The following TRAPPC9 variants were observed in gnomAD, a reference collection of about 807,000 sequenced individuals.
TRAPPC9 encodes the protein IKK2 binding protein.
Under a neutral mutation model 124.0 loss-of-function variants are expected in TRAPPC9, and 83 were observed. The observed-to-expected ratio is 0.67, with a 90% CI of 0.56 to 0.80. The LOEUF (loss-of-function observed/expected upper bound fraction) is 0.80. Ranked by LOEUF, TRAPPC9 falls within the 30% of genes least tolerant of loss-of-function variation. The probability of loss-of-function intolerance (pLI) is 0.00; values close to 1 mark genes in which losing one functional copy is unlikely to be tolerated. For synonymous variants in TRAPPC9, 638 were observed against 617.5 expected (o/e 1.03, Z -0.49); for missense variants, 1,302 against 1,508.3 (o/e 0.86, Z 2.27).
At chr8:140,385,341 G>A (rs1178107673) in intron 7 of TRAPPC9, among the ~76,000 whole-genome samples, 1 of 152,120 alleles carries the variant, frequency 6.6e-6, no homozygotes, top group Non-Finnish European at 1.5e-5. Context: ...GAAGGAGATA[G>A]AGACACAAAA....
chr8:140,272,161 G>A (rs1487247508), intron 15 of TRAPPC9, among the ~76,000 whole-genome samples: 1 of 151,418 alleles, frequency 6.6e-6, no homozygotes, highest in Non-Finnish European at 1.5e-5. Context: ...TAGCAGTGAT[G>A]GCAGTGGTTA....
intron 20 of TRAPPC9, among the ~76,000 whole-genome samples, chr8:139,900,414 T>C (rs1224653365): frequency 6.6e-6 from 1 of 152,216 alleles, no homozygotes; most frequent in Non-Finnish European, 1.5e-5. Flanking sequence ...AGAGCACGCA[T>C]CCTGTCCTTG....
Position 140,023,974 on chromosome 8 carries a change from C to T in TRAPPC9, c.2662G>A (p.Val888Ile), listed in dbSNP as rs1397394319. ...AGGGTGCTGACTCGGGTGAAAAATA[C>T]AGACGGCTCGACTTCTACATGCAGC... ...LGLHVEVEPS[V>I]FFTRVSTLPA... is the part of the protein sequence containing the mutation. The change falls in exon 18 of 23, where the codon GTA (valine) becomes ATA (isoleucine). Residue 888 changes from valine (V) to isoleucine (I), a missense_variant. By Grantham distance (29) the Val-to-Ile change is conservative. Coordinates refer to ENST00000438773, the MANE Select transcript of TRAPPC9 (RefSeq NM_001160372.4). The T allele has an allele frequency of 1.2e-6, 2 of 1,613,996 alleles. No individual in the cohort carries two copies. The highest frequency in any genetic ancestry group is 8.5e-7 in the Non-Finnish European group (1 of 1,180,010).
At chr8:139,840,392 G>A (rs988371969) in intron 21 of TRAPPC9, among the ~76,000 whole-genome samples, 3 of 152,184 alleles carry the variant, frequency 2.0e-5, no homozygotes, top group Non-Finnish European at 2.9e-5. Flanking sequence ...TCCTGGATTC[G>A]GGGAATGTGA....
At position 140,251,793 on chromosome 8, in the gene TRAPPC9, G is replaced by A. The variant is rs1436235377; in HGVS notation, c.2431+984C>T. 2.6e-5 allele frequency among the ~76,000 whole-genome samples: 4 copies of A among 152,186 alleles called. 1 individual carries two copies. The South Asian group carries it at 6.2e-4, about 24-fold the overall frequency. Reference sequence around the variant, plus strand: ...CTCCCTCTCTCCTCCACGTGGAGACGCAGCACGAAGGTGGCCATCTGCAAG... The same window carrying A: ...CTCCCTCTCTCCTCCACGTGGAGACACAGCACGAAGGTGGCCATCTGCAAG... On this transcript the variant is annotated intron_variant, in intron 16 of 22. Transcript: ENST00000438773.
chr8:139,785,287 G>A (rs1048895919), intron 21 of TRAPPC9, among the ~76,000 whole-genome samples: 15 of 152,106 alleles, frequency 9.9e-5, no homozygotes, highest in African/African-American at 3.4e-4. Context: ...ATGAATCAGA[G>A]GCCCAAATGT....
Position 140,300,400 on chromosome 8 carries a change from A to G in TRAPPC9, c.1768+69T>C, listed in dbSNP as rs1016969924. On this transcript the variant is annotated intron_variant, in intron 11 of 22. Transcript: ENST00000438773. ...ATGAACTGGCTCAAAATGCTGTTCT[A>G]AAAATCTAGAAAAGCCATTGGAAAT... 23 of 1,605,468 alleles carry G rather than the reference A, an allele frequency of 1.4e-5. No homozygotes were observed. The South Asian group carries it at 2.2e-4, about 15-fold the overall frequency.
intron 14 of TRAPPC9, among the ~76,000 whole-genome samples, chr8:140,280,322 C>G (rs2065269025): frequency 6.6e-6 from 1 of 152,244 alleles, no homozygotes; most frequent in Non-Finnish European, 1.5e-5. Context: ...ATTCATCTTT[C>G]TAAACAGCAT....
chr8:140,288,577 A>G (rs1375160688), intron 12 of TRAPPC9, among the ~76,000 whole-genome samples: 3 of 152,228 alleles, frequency 2.0e-5, no homozygotes, highest in Admixed American at 6.5e-5. Flanking sequence ...AGGGCACTAA[A>G]GCAAGAAAAA....
chr8:139,825,939 C>T lies in TRAPPC9; in HGVS notation c.3055+59940G>A, dbSNP rs1005124851. ...GGAGAGGTGAGCATCGGATATAACC[C>T]GCCCGTGGAACAGGCCATGATGAGG... is the stretch of plus-strand genomic sequence containing the variant. On this transcript the variant is annotated intron_variant, in intron 21 of 22. Coordinates refer to ENST00000438773, the MANE Select transcript of TRAPPC9 (RefSeq NM_001160372.4). The surrounding 1 kb of genome is among the most constrained non-coding windows in gnomAD (Gnocchi z 4.6). 6.6e-5 allele frequency among the ~76,000 whole-genome samples: 10 copies of T among 152,280 alleles called. No homozygotes were observed. Among genetic ancestry groups the T allele is most frequent in the African/African-American group, 2.2e-4 (9 of 41,558 alleles).
Position 140,300,553 on chromosome 8 carries a change from C to G in TRAPPC9, c.1684G>C (p.Gly562Arg). The change falls in exon 11 of 23, where the codon GGT becomes CGT. Residue 562 changes from glycine to arginine, a missense_variant. Physicochemically the swap from Gly to Arg is moderately radical, Grantham distance 125 (BLOSUM62 -2). Transcript: ENST00000438773. ...LRPHKMKSLL[G>R]QNVSTKSPFI... ...GGACTTTTGGTTGACACGTTCTGAC[C>G]CAGCAAGCTTTTCATTTTGTGTGGC... The G allele has an allele frequency of 6.2e-7, 1 of 1,614,214 alleles. No homozygotes were observed. The highest frequency in any genetic ancestry group is 8.5e-7 in the Non-Finnish European group (1 of 1,180,040).
chr8:140,368,583 T>C (rs2068190066), intron 8 of TRAPPC9, among the ~76,000 whole-genome samples: 1 of 152,188 alleles, frequency 6.6e-6, no homozygotes, highest in Non-Finnish European at 1.5e-5. Flanking sequence ...CTTCCTGGCA[T>C]AGCTTCTGGC....
intron 19 of TRAPPC9, among the ~76,000 whole-genome samples, chr8:139,949,852 T>C (rs1834524519): frequency 6.6e-6 from 1 of 152,202 alleles, no homozygotes. Context: ...TCTGTGAGTA[T>C]CCTCAATACC....
At chr8:140,080,793 C>G (rs992045889) in intron 17 of TRAPPC9, among the ~76,000 whole-genome samples, 1 of 152,222 alleles carries the variant, frequency 6.6e-6, no homozygotes, top group African/African-American at 2.4e-5. Flanking sequence ...AACATGAATT[C>G]TAGTGCTATG....
intron 16 of TRAPPC9, among the ~76,000 whole-genome samples, chr8:140,246,035 A>C (rs2063977968): frequency 1.3e-5 from 2 of 152,236 alleles, no homozygotes; most frequent in Admixed American, 1.3e-4. Flanking sequence ...AGTCTACATG[A>C]AAAGGCAGAA....
chr8:140,023,825 C>A, intron 18 of TRAPPC9, 112 bp downstream of exon 18: 1 of 1,535,764 alleles, frequency 6.5e-7, no homozygotes, highest in Non-Finnish European at 9.0e-7. Context: ...AACTTGGCCC[C>A]ATGGCACGGA....
intron 21 of TRAPPC9, among the ~76,000 whole-genome samples, chr8:139,859,640 C>T (rs1394821652): frequency 6.6e-6 from 1 of 152,252 alleles, no homozygotes; most frequent in Non-Finnish European, 1.5e-5. Context: ...AGATCTGCCC[C>T]ATGCGGCCAG....
chr8:140,134,538 A>ACAGGTGTCAGCCAC (rs142436139), intron 17 of TRAPPC9, among the ~76,000 whole-genome samples: 2 of 151,442 alleles, frequency 1.3e-5, no homozygotes, highest in African/African-American at 4.9e-5. Context: ...TGCTGGGATT[A>ACAGGTGTCAGCCAC]CATGGTTGGC....
At chr8:140,272,259 T>G (rs1288059874) in intron 15 of TRAPPC9, among the ~76,000 whole-genome samples, 3 of 138,530 alleles carry the variant, frequency 2.2e-5, no homozygotes, top group African/African-American at 2.7e-5. Context: ...GGGGTTGGGG[T>G]GGTGTTTGTG....
Sources: allele counts gnomAD v4.1 joint callset (sites outside exome capture counted in the v4.1 genomes callset), GRCh38; gene constraint gnomAD v4.1.1; non-coding constraint Gnocchi (gnomAD v3.1); transcripts MANE v1.5; gene names NCBI Gene and HGNC (gene_info 2026-07-23, HGNC 2026-07-21).